The following HDAC9 variants were observed in gnomAD, a reference collection of about 807,000 sequenced individuals.
The protein encoded by HDAC9 is histone deacetylase 9, also known as MEF-2 interacting transcription repressor (MITR) protein.
A neutral mutation model predicts 139.4 loss-of-function variants in HDAC9; 41 were observed. The ratio of observed to expected loss-of-function variants is 0.29; its 90% CI spans 0.23 to 0.38. HDAC9 has a LOEUF of 0.38. HDAC9 is among the 10% of genes least tolerant of loss of function. The pLI is 1.00. For synonymous variants in HDAC9, 517 were observed against 476.2 expected (o/e 1.09, Z -1.12); for missense variants, 1,147 against 1,297.0 (o/e 0.88, Z 1.78).
intron 1 of HDAC9, among the ~76,000 whole-genome samples, chr7:18,472,130 G>T (rs1335141161): frequency 6.6e-6 from 1 of 152,060 alleles, no homozygotes. Context: ...GCCTTTAGCT[G>T]GAAGATTTGA....
At chr7:18,389,132 C>A (rs563959652) in intron 1 of HDAC9, among the ~76,000 whole-genome samples, 172 of 152,262 alleles carry the variant, frequency 1.1e-3, no homozygotes, top group African/African-American at 3.7e-3. Context: ...TGCCAGTATT[C>A]CAGCTTGTTT....
chr7:18,385,675 T>G (rs528472989), intron 1 of HDAC9, among the ~76,000 whole-genome samples: 1 of 152,186 alleles, frequency 6.6e-6, no homozygotes, highest in African/African-American at 2.4e-5. Flanking sequence ...TAATAGCCAT[T>G]TCTCATAAAT....
chr7:18,343,935 T>C (rs965076625), intron 1 of HDAC9, among the ~76,000 whole-genome samples: 4 of 152,004 alleles, frequency 2.6e-5, no homozygotes, highest in African/African-American at 9.6e-5. Flanking sequence ...CTAGTATAGT[T>C]CAGAAATAGT....
intron 1 of HDAC9, among the ~76,000 whole-genome samples, chr7:18,476,264 A>C (rs1795104233): frequency 6.6e-6 from 1 of 152,174 alleles, no homozygotes. Context: ...ACAAATTCAC[A>C]TCAGTAATGC....
At chr7:18,187,114 G>A (rs1279402888) in intron 2 of HDAC9, among the ~76,000 whole-genome samples, 2 of 152,146 alleles carry the variant, frequency 1.3e-5, no homozygotes, top group East Asian at 1.9e-4. Context: ...TGTACATTGA[G>A]TACCTACTAT....
At chr7:18,462,655 T>G (rs1793950611) in intron 1 of HDAC9, among the ~76,000 whole-genome samples, 1 of 152,022 alleles carries the variant, frequency 6.6e-6, no homozygotes, top group African/African-American at 2.4e-5. Context: ...GTGACTGGCC[T>G]TTTTATTCAA....
chr7:18,577,432 C>G (rs926866934), intron 2 of HDAC9, among the ~76,000 whole-genome samples: 1 of 152,164 alleles, frequency 6.6e-6, no homozygotes, highest in Non-Finnish European at 1.5e-5. Flanking sequence ...GAAGCCTTTT[C>G]TGACTCGACC....
chr7:18,804,294 A>G (rs1793529691), intron 17 of HDAC9, among the ~76,000 whole-genome samples: 1 of 152,176 alleles, frequency 6.6e-6, no homozygotes, highest in Admixed American at 6.5e-5. Flanking sequence ...AAGAAACTTC[A>G]AGGCCTGAGC....
intron 1 of HDAC9, among the ~76,000 whole-genome samples, chr7:18,463,236 G>A (rs544587889): frequency 5.9e-5 from 9 of 151,950 alleles, no homozygotes; most frequent in African/African-American, 2.2e-4. Flanking sequence ...TCTCTTATTA[G>A]AGTTGGCGCC....
At chr7:18,178,428 A>T (rs1353933032) in intron 2 of HDAC9, among the ~76,000 whole-genome samples, 1 of 152,086 alleles carries the variant, frequency 6.6e-6, no homozygotes, top group Non-Finnish European at 1.5e-5. Flanking sequence ...AACAACAAAC[A>T]TTGCAATAGG....
At chr7:18,332,465 T>G (rs1801005923) in intron 1 of HDAC9, among the ~76,000 whole-genome samples, 1 of 151,554 alleles carries the variant, frequency 6.6e-6, no homozygotes, top group Non-Finnish European at 1.5e-5. Flanking sequence ...CTTTTCTTCT[T>G]GCATGTAGCT....
At chr7:18,335,997 ATATAAT>A (rs1408209149) in intron 1 of HDAC9, among the ~76,000 whole-genome samples, 2 of 151,748 alleles carry the variant, frequency 1.3e-5, no homozygotes, top group South Asian at 2.1e-4. Context: ...GATGTAAATG[ATATAAT>A]TATAAAATAT....
intron 22 of HDAC9, among the ~76,000 whole-genome samples, chr7:18,924,895 C>A (rs998429179): frequency 2.0e-5 from 3 of 152,164 alleles, no homozygotes; most frequent in East Asian, 3.9e-4. Flanking sequence ...ATAAGTGTTG[C>A]CATGGCCATC....
At position 18,104,355 on chromosome 7, in the gene HDAC9, A is replaced by AT. The variant is rs927081887; in HGVS notation, c.-97+17149dup. Among the ~76,000 whole-genome samples, 9 of 152,002 alleles carry AT rather than the reference A, an allele frequency of 5.9e-5. 1 individual carries two copies. The highest frequency in any genetic ancestry group is 9.7e-5 in the African/African-American group (4 of 41,368). On this transcript the variant is annotated intron_variant, in intron 1 of 12. Coordinates refer to the HDAC9 transcript ENST00000417496. ...GATCTAAACTTTTTCAAAGGCCTTCATTTTTTTAAAACCAGACTATTTCAA... is the reference window on the plus strand; with the variant it reads ...GATCTAAACTTTTTCAAAGGCCTTCATTTTTTTTAAAACCAGACTATTTCAA...
At chr7:18,993,608 C>A (rs1365262703) in intron 25 of HDAC9, among the ~76,000 whole-genome samples, 2 of 151,346 alleles carry the variant, frequency 1.3e-5, no homozygotes, top group African/African-American at 4.9e-5. Context: ...TCAAAACCAG[C>A]CTGGGCAACA....
intron 23 of HDAC9, among the ~76,000 whole-genome samples, chr7:18,948,435 A>T (rs1357775256): frequency 6.6e-6 from 1 of 152,086 alleles, no homozygotes; most frequent in Non-Finnish European, 1.5e-5. Context: ...AATTAATTAT[A>T]TATCTATATA....
rs1044398531 is a variant in HDAC9 at position 18,522,119 on chromosome 7, C to A, written c.22+25795C>A. 1.2e-4 allele frequency among the ~76,000 whole-genome samples: 19 copies of A among 152,098 alleles called. 1 individual carries two copies. Among genetic ancestry groups the A allele is most frequent in the African/African-American group, 4.6e-4 (19 of 41,406 alleles). The stretch of plus-strand genomic sequence containing the variant: ...GGAGGATGTTAGACCAAAATTAACA[C>A]CGCGAGAAATGTGTTATGCATATAT... On this transcript the variant is annotated intron_variant, in intron 2 of 25. Coordinates refer to ENST00000686413, the MANE Select transcript of HDAC9 (RefSeq NM_178425.4).
At chr7:18,433,523 G>A (rs1340963297) in intron 1 of HDAC9, among the ~76,000 whole-genome samples, 1 of 152,084 alleles carries the variant, frequency 6.6e-6, no homozygotes, top group East Asian at 1.9e-4. Flanking sequence ...AAAAGCTATA[G>A]TCTCTGCCCA....
chr7:18,379,253 A>G (rs545105020), intron 1 of HDAC9, among the ~76,000 whole-genome samples: 157 of 152,336 alleles, frequency 1.0e-3, no homozygotes, highest in African/African-American at 3.3e-3. Context: ...ATAGATTAAA[A>G]TCGTAACCAC....
Sources: allele counts gnomAD v4.1 joint callset (sites outside exome capture counted in the v4.1 genomes callset), GRCh38; gene constraint gnomAD v4.1.1; transcripts MANE v1.5; gene names NCBI Gene and HGNC (gene_info 2026-07-23, HGNC 2026-07-21).